RHBDF2: variants seen among roughly 807,000 people sequenced by gnomAD.
RHBDF2 encodes inactive rhomboid protein 2.
Under a neutral mutation model 95.2 loss-of-function variants are expected in RHBDF2, and 38 were observed. The observed-to-expected ratio is 0.40, with a 90% CI of 0.31 to 0.52. The LOEUF is 0.52. Ranked by LOEUF, RHBDF2 falls within the 20% of genes least tolerant of loss-of-function variation. The pLI, the probability that RHBDF2 is intolerant of heterozygous loss-of-function variation, is 0.56. For synonymous variants in RHBDF2, 442 were observed against 462.0 expected, an observed-to-expected ratio of 0.96 and a Z score of 0.55; for missense variants, 863 against 1,137.7, an observed-to-expected ratio of 0.76 and a Z score of 3.47.
chr17:76,489,050 C>T (rs894693307), intron 1 of RHBDF2, among the ~76,000 whole-genome samples: 2 of 149,376 alleles, frequency 1.3e-5, no homozygotes, highest in African/African-American at 2.5e-5. Context: ...TACTTGAACC[C>T]GGGAGATGGA....
chr17:76,479,619 C>T (rs569019241), intron 4 of RHBDF2, 114 bp downstream of exon 4: 121 of 797,394 alleles, frequency 1.5e-4, no homozygotes, highest in Middle Eastern at 3.5e-4. Context: ...TCATTAATGC[C>T]GGCCTCCTCC....
Position 76,473,280 on chromosome 17 carries a change from A to G in RHBDF2, c.1781T>C (p.Phe594Ser), listed in dbSNP as rs1436632784. ...GGAGCAGAGTGTTGCTTCCTCATGG[A>G]AATAGCCGTGCATGAACTCACAGTA... is the stretch of plus-strand genomic sequence containing the variant. ...REYCEFMHGY[F>S]HEEATLCSQV... Residue 594 changes from phenylalanine (F) to serine (S), a missense_variant, in exon 16 of 19, where the codon TTC (phenylalanine) becomes TCC (serine). Around this residue, in one of 2 missense-constraint regions of RHBDF2, gnomAD observed 252 missense variants for 412.2 expected, o/e 0.61. Transcript: ENST00000675367. 6.2e-7 allele frequency: 1 copy of G among 1,613,104 alleles called. No individual in the cohort carries two copies. The highest frequency in any genetic ancestry group is 1.7e-5 in the Admixed American group (1 of 59,852).
chr17:76,499,227 G>A (rs978905470), intron 1 of RHBDF2, among the ~76,000 whole-genome samples: 9 of 152,086 alleles, frequency 5.9e-5, no homozygotes, highest in Non-Finnish European at 8.8e-5. Flanking sequence ...CCTCCACCAG[G>A]GTTCCCAGGC....
At chr17:76,484,247 G>A (rs943795945) in intron 2 of RHBDF2, among the ~76,000 whole-genome samples, 10 of 152,056 alleles carry the variant, frequency 6.6e-5, no homozygotes, top group African/African-American at 2.2e-4. Flanking sequence ...TGGGCAACAA[G>A]AGCGAAACTT....
At chr17:76,472,569 G>A in intron 18 of RHBDF2, 117 bp downstream of exon 18, 1 of 1,333,186 alleles carries the variant, frequency 7.5e-7, no homozygotes, top group Non-Finnish European at 1.1e-6. Flanking sequence ...TCCCTCCGCT[G>A]TGGAGCCCAG....
Position 76,479,187 on chromosome 17 carries a change from G to C in RHBDF2, c.363C>G (p.Arg121=), listed in dbSNP as rs998696874. The C allele has an allele frequency of 6.2e-7, 1 of 1,612,154 alleles. No homozygotes were observed. The highest frequency in any genetic ancestry group is 8.5e-7 in the Non-Finnish European group (1 of 1,179,558). The change falls in exon 5 of 19, where the codon CGC becomes CGG. Residue 121 remains arginine, a synonymous_variant. Coordinates refer to ENST00000675367, the MANE Select transcript of RHBDF2 (RefSeq NM_001005498.4). The part of the protein sequence containing the change: ...QRRSLHHCSM[R]YGRLKASCQR... Reference sequence around the variant, plus strand: ...GGCACGAGGCCTTCAGGCGGCCGTAGCGCATGCTGCAGTGGTGCAGGCTGC... The same window carrying C: ...GGCACGAGGCCTTCAGGCGGCCGTACCGCATGCTGCAGTGGTGCAGGCTGC...
chr17:76,473,713 G>A lies in RHBDF2; in HGVS notation c.1668C>T (p.His556=), dbSNP rs1250286618. ...CGCAGTCCATGTGCAGGAAGCCTGT[G>A]TGGTTGCTCCTGGCCTGCTCTGTGC... ...PICTEQARSN[H]TGFLHMDCEI... is the part of the protein sequence containing the mutation. The change falls in exon 15 of 19, where the codon CAC becomes CAT. Residue 556 remains histidine, a synonymous_variant. Coordinates refer to ENST00000675367, the MANE Select transcript of RHBDF2 (RefSeq NM_001005498.4). 1.2e-6 allele frequency: 2 copies of A among 1,612,544 alleles called. No individual in the cohort carries two copies. Among genetic ancestry groups the A allele is most frequent in the Non-Finnish European group, 1.7e-6 (2 of 1,179,434 alleles).
At chr17:76,479,696 G>C in intron 4 of RHBDF2, 37 bp downstream of exon 4, 1 of 1,507,448 alleles carries the variant, frequency 6.6e-7, no homozygotes, top group Non-Finnish European at 9.1e-7. Context: ...CAGGTTGCTG[G>C]GTGGGGGGTG....
intron 1 of RHBDF2, among the ~76,000 whole-genome samples, chr17:76,497,655 C>A (rs56367703): frequency 0.67 from 102,143 of 152,052 alleles, 34,775 homozygotes; most frequent in East Asian, 0.82. Flanking sequence ...CACTGCACTG[C>A]AGGCTGCACA....
Position 76,471,412 on chromosome 17 carries a change from G to A in RHBDF2, c.*221C>T. On this transcript the variant is annotated 3_prime_UTR_variant, in exon 19 of 19. Transcript: ENST00000675367. ...AGGTGCCTTGGGTGTGCCTGAGCTTGGGTCAGGATCTCACAGGCCTCACGC... is the reference window on the plus strand; with the variant it reads ...AGGTGCCTTGGGTGTGCCTGAGCTTAGGTCAGGATCTCACAGGCCTCACGC... The A allele has an allele frequency of 9.0e-6, 5 of 554,258 alleles. No homozygotes were observed. The highest frequency in any genetic ancestry group is 2.5e-5 in the South Asian group (1 of 39,618). The allele number at this position is 554,258 out of a possible 1,614,324, so 34.3% of individuals were successfully genotyped here.
At chr17:76,476,334 T>C (rs1263278904) in intron 9 of RHBDF2, 1 of 153,516 alleles carries the variant, frequency 6.5e-6, no homozygotes, top group African/African-American at 2.4e-5. Flanking sequence ...AGCTTCTTCT[T>C]TTAAAGTAGA....
intron 1 of RHBDF2, among the ~76,000 whole-genome samples, chr17:76,492,040 C>T (rs1309406111): frequency 6.6e-6 from 1 of 152,202 alleles, no homozygotes; most frequent in African/African-American, 2.4e-5. Flanking sequence ...AGCCCACAGG[C>T]GGAACACTGC....
chr17:76,472,435 C>T (rs976845056), intron 18 of RHBDF2: 46 of 614,628 alleles, frequency 7.5e-5, no homozygotes, highest in Non-Finnish European at 6.7e-5. Flanking sequence ...ACCTAGCATA[C>T]TGTCAGGCAG....
chr17:76,471,650 C>T lies in RHBDF2; in HGVS notation c.2467G>A (p.Asp823Asn), dbSNP rs762586683. The change falls in exon 19 of 19, where the codon GAC becomes AAC. Residue 823 changes from aspartate (D) to asparagine (N), a missense_variant. Transcript: ENST00000675367. Reference protein sequence around the residue: ...TSRFCEKYELDQVLH With the variant: ...TSRFCEKYELNQVLH ...CCCAGCGGTCAGTGCAGCACCTGGT[C>T]CAGCTCATACTTCTCGCAGAAGCGG... 8.1e-6 allele frequency: 13 copies of T among 1,603,934 alleles called. No homozygotes were observed. The highest frequency in any genetic ancestry group is 1.0e-5 in the Non-Finnish European group (12 of 1,175,244).
At chr17:76,495,158 C>T (rs961065394) in intron 1 of RHBDF2, among the ~76,000 whole-genome samples, 8 of 152,186 alleles carry the variant, frequency 5.3e-5, no homozygotes, top group African/African-American at 9.6e-5. Flanking sequence ...CGGGTTTTCA[C>T]GGGTCCTTGG....
At chr17:76,491,477 G>A (rs2074298612) in intron 1 of RHBDF2, among the ~76,000 whole-genome samples, 1 of 151,730 alleles carries the variant, frequency 6.6e-6, no homozygotes, top group South Asian at 2.1e-4. Flanking sequence ...AGACAGCAGA[G>A]ACAGGGCCAG....
At chr17:76,495,621 C>T (rs1346797602) in intron 1 of RHBDF2, among the ~76,000 whole-genome samples, 3 of 152,130 alleles carry the variant, frequency 2.0e-5, no homozygotes, top group Non-Finnish European at 2.9e-5. Flanking sequence ...AGCACCTTGC[C>T]CAGTGCCACC....
At position 76,478,900 on chromosome 17, in the gene RHBDF2, A is replaced by G. The variant is rs1175146361; in HGVS notation, c.578T>C (p.Phe193Ser). The change falls in exon 6 of 19, where the codon TTC (phenylalanine) becomes TCC (serine). Residue 193 changes from phenylalanine to serine, a missense_variant. By Grantham distance (155) the Phe-to-Ser change is radical. Around this residue, in one of 2 missense-constraint regions of RHBDF2, gnomAD observed 611 missense variants for 725.5 expected, o/e 0.84. Transcript: ENST00000675367. ...LTPGVLSLTSFTSVRSGYSHL... is the reference protein window; with the variant it reads ...LTPGVLSLTSSTSVRSGYSHL... ...GGAGTAGCCAGAACGGACACTGGTG[A>G]AGGAGGTGAGGGACAGGACTCCGGG... 6.2e-7 allele frequency: 1 copy of G among 1,611,790 alleles called. No individual in the cohort carries two copies. The highest frequency in any genetic ancestry group is 1.7e-5 in the Admixed American group (1 of 59,762).
chr17:76,474,387 G>T lies in RHBDF2; in HGVS notation c.1450C>A (p.Arg484=). 6.2e-7 allele frequency: 1 copy of T among 1,613,136 alleles called. No homozygotes were observed. Among genetic ancestry groups the T allele is most frequent in the Non-Finnish European group, 8.5e-7 (1 of 1,179,780 alleles). The stretch of plus-strand genomic sequence containing the variant: ...CCTGCCCCCACCGAGCAGTCCTTCC[G>T]CTGGGTCTGGATGCATCCGGAGTGG... The part of the protein sequence containing the change: ...NDHSGCIQTQ[R]KDCSETLATF... The change falls in exon 12 of 19, where the codon CGG becomes AGG. Residue 484 remains arginine (R), a synonymous_variant. Coordinates refer to ENST00000675367, the MANE Select transcript of RHBDF2 (RefSeq NM_001005498.4).
Sources: gnomAD v4.1 joint callset for allele counts (sites outside exome capture counted in the v4.1 genomes callset) on GRCh38, gnomAD v4.1.1 for gene constraint, gnomAD v4.1.1 regional missense constraint, MANE v1.5 for transcripts, NCBI Gene and HGNC (gene_info 2026-07-23, HGNC 2026-07-21) for gene names.